Variants in EMID1 observed in about 807,000 individuals in gnomAD.
EMID1 encodes EMI domain containing 1, also known as EMI domain-containing protein 1.
A neutral mutation model predicts 60.6 loss-of-function variants in EMID1; 40 were observed. The observed-to-expected ratio is 0.66, with a 90% CI of 0.51 to 0.86. EMID1 has a LOEUF of 0.86. Ranked by LOEUF, EMID1 falls within the 40% of genes least tolerant of loss-of-function variation. EMID1 has a pLI of 0.00. For synonymous variants in EMID1, 242 were observed against 231.0 expected, an observed-to-expected ratio of 1.05 and a Z score of -0.43; for missense variants, 585 against 597.1, an observed-to-expected ratio of 0.98 and a Z score of 0.21.
intron 13 of EMID1, among the ~76,000 whole-genome samples, chr22:29,245,732 A>G (rs1040304215): frequency 6.6e-6 from 1 of 152,190 alleles, no homozygotes; most frequent in African/African-American, 2.4e-5. Context: ...TGGTCATGAT[A>G]GTGCACTGCA....
intron 2 of EMID1, 70 bp downstream of exon 2, chr22:29,215,109 G>T: frequency 6.8e-7 from 1 of 1,472,204 alleles, no homozygotes. Flanking sequence ...GCCTGGTTGG[G>T]GGACTGCATG....
intron 5 of EMID1, among the ~76,000 whole-genome samples, chr22:29,227,630 G>A (rs1392055394): frequency 6.7e-6 from 1 of 150,170 alleles, no homozygotes; most frequent in Non-Finnish European, 1.5e-5. Context: ...ACTTGAACCT[G>A]GGAGGTGGAG....
At chr22:29,257,181 TG>T (rs2041734833) in intron 14 of EMID1, among the ~76,000 whole-genome samples, 1 of 152,034 alleles carries the variant, frequency 6.6e-6, no homozygotes, top group Non-Finnish European at 1.5e-5. Context: ...CAAGCCAGCT[TG>T]GGTCGGGGCT....
chr22:29,243,574 G>T, intron 13 of EMID1, 85 bp downstream of exon 13: 1 of 1,525,674 alleles, frequency 6.6e-7, no homozygotes, highest in Admixed American at 1.7e-5. Context: ...GAGGCCCTGG[G>T]AGTGGGAGCA....
intron 13 of EMID1, among the ~76,000 whole-genome samples, chr22:29,251,105 T>C (rs1407740495): frequency 2.0e-5 from 3 of 150,946 alleles, no homozygotes; most frequent in Non-Finnish European, 4.4e-5. Flanking sequence ...TTTTCTTTTT[T>C]TGAGACAGGG....
intron 13 of EMID1, among the ~76,000 whole-genome samples, chr22:29,247,841 G>A (rs1310894463): frequency 6.6e-6 from 1 of 151,996 alleles, no homozygotes; most frequent in Non-Finnish European, 1.5e-5. Context: ...ATGTTGGCCA[G>A]GCTGGTCTCA....
In EMID1 at chr22:29,205,932, C is replaced by G. The variant is rs2039627204; in HGVS notation, c.-107C>G. ...GCCCTCCGGCCGCGGAGCTGGAAAC[C>G]GGGCTCCGCGCGTCCGGGGCGGCTG... On this transcript the variant is annotated 5_prime_UTR_variant, in exon 1 of 15. Transcript: ENST00000334018. 1 of 575,902 alleles carries G rather than the reference C, an allele frequency of 1.7e-6. No individual in the cohort carries two copies. Among genetic ancestry groups the G allele is most frequent in the African/African-American group, 2.0e-5 (1 of 49,130 alleles). 35.7% of individuals were successfully genotyped at this position (575,902 alleles called of 1,614,324 possible).
At chr22:29,228,770 A>AT (rs1407890802) in intron 5 of EMID1, among the ~76,000 whole-genome samples, 3 of 151,870 alleles carry the variant, frequency 2.0e-5, no homozygotes, top group Admixed American at 6.6e-5. Flanking sequence ...AGTTTAAAAA[A>AT]CTTTTTTTAG....
chr22:29,234,052 C>T (rs897181970), intron 10 of EMID1, 85 bp from the exon 11 acceptor site: 8 of 1,478,684 alleles, frequency 5.4e-6, no homozygotes, highest in East Asian at 2.5e-5. Flanking sequence ...CAAGCTTGAG[C>T]GCCCTCCCCA....
chr22:29,252,628 G>A (rs902708055), intron 13 of EMID1, among the ~76,000 whole-genome samples: 2 of 152,228 alleles, frequency 1.3e-5, no homozygotes, highest in Non-Finnish European at 2.9e-5. Context: ...TGGGGAGAAA[G>A]AGATGAGGTC....
intron 5 of EMID1, 31 bp from the exon 6 acceptor site, chr22:29,230,989 G>A: frequency 6.2e-7 from 1 of 1,603,322 alleles, no homozygotes; most frequent in South Asian, 1.1e-5. Flanking sequence ...TGAGACCCTG[G>A]TACCCACCCC....
chr22:29,210,573 C>T (rs2039845643), intron 1 of EMID1, among the ~76,000 whole-genome samples: 1 of 152,050 alleles, frequency 6.6e-6, no homozygotes, highest in African/African-American at 2.4e-5. Flanking sequence ...CACTCTATTG[C>T]CCAGGCTGTA....
intron 12 of EMID1, among the ~76,000 whole-genome samples, chr22:29,242,586 C>CACACTGG (rs1185511506): frequency 6.6e-6 from 1 of 152,122 alleles, no homozygotes; most frequent in African/African-American, 2.4e-5. Flanking sequence ...TTTTTTGTTG[C>CACACTGG]ACACTGGACA....
intron 3 of EMID1, among the ~76,000 whole-genome samples, chr22:29,222,178 C>T (rs188910058): frequency 1.9e-3 from 282 of 152,302 alleles, no homozygotes; most frequent in African/African-American, 6.5e-3. Context: ...ACTGCAACCT[C>T]GACCTTCCAA....
chr22:29,249,244 TC>T (rs1445055577), intron 13 of EMID1, among the ~76,000 whole-genome samples: 5 of 152,110 alleles, frequency 3.3e-5, no homozygotes, highest in African/African-American at 1.2e-4. Flanking sequence ...CTTTTTTTTT[TC>T]CTTTTTTTTG....
At chr22:29,223,078 G>A (rs983625018) in intron 3 of EMID1, among the ~76,000 whole-genome samples, 5 of 152,102 alleles carry the variant, frequency 3.3e-5, no homozygotes, top group African/African-American at 2.4e-5. Context: ...GTGACAGAGC[G>A]AGACTCCGTC....
intron 8 of EMID1, chr22:29,232,928 G>A (rs1278890928): frequency 1.0e-5 from 2 of 190,716 alleles, no homozygotes; most frequent in South Asian, 1.2e-4. Flanking sequence ...TGTTTTTGGT[G>A]CACAACCCAG....
intron 14 of EMID1, chr22:29,255,542 C>T (rs570810488): frequency 4.2e-5 from 20 of 475,446 alleles, no homozygotes; most frequent in Admixed American, 2.7e-4. Flanking sequence ...TGAGTGAATG[C>T]GCACCTGCTC....
chr22:29,233,731 A>G (rs1262834356), intron 10 of EMID1, 65 bp downstream of exon 10: 2 of 1,459,930 alleles, frequency 1.4e-6, no homozygotes, highest in East Asian at 2.3e-5. Flanking sequence ...GCATACATCC[A>G]TACATCTGTC....
Sources: gnomAD v4.1 joint callset for allele counts (sites outside exome capture counted in the v4.1 genomes callset) on GRCh38, gnomAD v4.1.1 for gene constraint, MANE v1.5 for transcripts, NCBI Gene and HGNC (gene_info 2026-07-23, HGNC 2026-07-21) for gene names.